GHR: variants seen among roughly 807,000 people sequenced by gnomAD.
GHR encodes growth hormone receptor.
GHR carries 35 observed loss-of-function variants against 67.1 expected under a neutral mutation model. That is an observed-to-expected ratio of 0.52 (90% CI 0.40 to 0.69). GHR has a LOEUF of 0.69. Ranked by LOEUF, GHR falls within the 30% of genes least tolerant of loss-of-function variation. The probability of loss-of-function intolerance (pLI) is 0.00; values close to 1 mark genes in which losing one functional copy is unlikely to be tolerated. For missense variants in GHR, 792 were observed against 764.6 expected, an observed-to-expected ratio of 1.04 and a Z score of -0.42; for synonymous variants, 272 against 269.1, an observed-to-expected ratio of 1.01 and a Z score of -0.10.
At position 42,424,413 on chromosome 5, in the gene GHR, G is replaced by A. The variant is rs1323395871; in HGVS notation, c.-12+458G>A. 29 of 610,308 alleles carry A rather than the reference G, an allele frequency of 4.8e-5. No individual in the cohort carries two copies. The East Asian group carries it at 7.7e-4, about 16-fold the overall frequency. 37.8% of individuals were successfully genotyped at this position (610,308 alleles called of 1,614,324 possible). On this transcript the variant is annotated intron_variant, in intron 1 of 9. Transcript: ENST00000230882. This position sits in a 1 kb window ranked among gnomAD's most constrained non-coding sequence, Gnocchi z 4.1. ...GGCTGCGGCAGGAACTGCCGAGGCT[G>A]CTGCTGTTGCGCGGGGAAGAATCCC...
intron 2 of GHR, among the ~76,000 whole-genome samples, chr5:42,587,087 C>T (rs1751517080): frequency 7.0e-6 from 1 of 143,588 alleles, no homozygotes; most frequent in Non-Finnish European, 1.5e-5. Flanking sequence ...CTTATCAAGA[C>T]ATTTGTAAGT....
At chr5:42,542,129 A>G (rs1050349398) in intron 1 of GHR, among the ~76,000 whole-genome samples, 7 of 152,166 alleles carry the variant, frequency 4.6e-5, no homozygotes, top group Non-Finnish European at 1.0e-4. Context: ...ATTTCTGGTG[A>G]TATTTCAATG....
intron 1 of GHR, among the ~76,000 whole-genome samples, chr5:42,563,706 G>A (rs943216735): frequency 1.7e-4 from 26 of 151,186 alleles, no homozygotes; most frequent in African/African-American, 6.3e-4. Flanking sequence ...TACTTGGAAG[G>A]CTCAAGCAGG....
At chr5:42,474,289 G>GAGAAAGAGAAAGAAAGAAAGAA (rs1745160211) in intron 1 of GHR, among the ~76,000 whole-genome samples, 1 of 24,006 alleles carries the variant, frequency 4.2e-5, no homozygotes, top group African/African-American at 1.3e-4. Context: ...GAAAGAAAAA[G>GAGAAAGAGAAAGAAAGAAAGAA]AGAAAGAGAA....
At chr5:42,491,716 A>C (rs1746120174) in intron 1 of GHR, among the ~76,000 whole-genome samples, 1 of 152,210 alleles carries the variant, frequency 6.6e-6, no homozygotes, top group African/African-American at 2.4e-5. Flanking sequence ...GCACAATCAG[A>C]GAATTCCCCA....
chr5:42,651,742 G>A (rs1755026641), intron 3 of GHR, among the ~76,000 whole-genome samples: 1 of 151,960 alleles, frequency 6.6e-6, no homozygotes, highest in Non-Finnish European at 1.5e-5. Context: ...TGAGACTTCT[G>A]CTATCATCTT....
At position 42,423,826 on chromosome 5, in the gene GHR, C is replaced by T. The variant is rs1242529553; in HGVS notation, c.-141C>T. On this transcript the variant is annotated 5_prime_UTR_variant, in exon 1 of 10. Transcript: ENST00000230882. ...GCAGCTGCTACAGTGGCGGTGGCGG[C>T]GGCGGCTGCTGCTGAGCCCGGGCGG... 2 of 164,342 alleles carry T rather than the reference C, an allele frequency of 1.2e-5. No individual in the cohort carries two copies. The highest frequency in any genetic ancestry group is 2.6e-5 in the Non-Finnish European group (2 of 78,070). 10.2% of individuals were successfully genotyped at this position (164,342 alleles called of 1,614,324 possible).
chr5:42,572,881 A>G (rs1750411023), intron 2 of GHR, among the ~76,000 whole-genome samples: 1 of 152,148 alleles, frequency 6.6e-6, no homozygotes, highest in African/African-American at 2.4e-5. Context: ...TGGGGGTAGG[A>G]GGCAGGTGAA....
At chr5:42,489,005 C>A (rs1217491340) in intron 1 of GHR, among the ~76,000 whole-genome samples, 16 of 152,326 alleles carry the variant, frequency 1.1e-4, no homozygotes, top group African/African-American at 3.8e-4. Flanking sequence ...CTATCCCACA[C>A]TTCTCAGTGG....
At chr5:42,574,659 G>A (rs1226766446) in intron 2 of GHR, among the ~76,000 whole-genome samples, 5 of 152,148 alleles carry the variant, frequency 3.3e-5, no homozygotes, top group African/African-American at 1.2e-4. Flanking sequence ...AAAAATATAT[G>A]TTCTTGGGTC....
In GHR at chr5:42,637,404, C is replaced by G. The variant is rs572909250; in HGVS notation, c.136+8301C>G. ...TTTGGTGTACAAATAATCCCCTTAC[C>G]CAGGTATTGAGCATATTACTTGATG... On this transcript the variant is annotated intron_variant, in intron 3 of 9. Coordinates refer to ENST00000230882, the MANE Select transcript of GHR (RefSeq NM_000163.5). 1.4e-3 allele frequency among the ~76,000 whole-genome samples: 215 copies of G among 152,112 alleles called. 6 individuals carry two copies. The South Asian group carries it at 0.027, about 19-fold the overall frequency.
intron 1 of GHR, among the ~76,000 whole-genome samples, chr5:42,521,133 G>T (rs1345825387): frequency 2.0e-5 from 3 of 152,172 alleles, no homozygotes; most frequent in Admixed American, 6.5e-5. Flanking sequence ...TGATCAGCTG[G>T]ATGCGTATAT....
chr5:42,563,893 A>G (rs1446415921), intron 1 of GHR, among the ~76,000 whole-genome samples: 1 of 152,124 alleles, frequency 6.6e-6, no homozygotes, highest in Non-Finnish European at 1.5e-5. Flanking sequence ...CAGCCTTTTA[A>G]TATATTTCTG....
intron 1 of GHR, among the ~76,000 whole-genome samples, chr5:42,453,593 C>T (rs1172087044): frequency 1.3e-5 from 2 of 152,216 alleles, no homozygotes; most frequent in African/African-American, 2.4e-5. Flanking sequence ...TTCAGCTATT[C>T]AGATCAGACA....
At chr5:42,637,556 T>A (rs751857558) in intron 3 of GHR, among the ~76,000 whole-genome samples, 1 of 152,164 alleles carries the variant, frequency 6.6e-6, no homozygotes, top group Non-Finnish European at 1.5e-5. Context: ...CATATGGTAT[T>A]TCGTTTTCTG....
chr5:42,578,839 G>A (rs1375175289), intron 2 of GHR, among the ~76,000 whole-genome samples: 1 of 151,938 alleles, frequency 6.6e-6, no homozygotes. Flanking sequence ...TCCAATGATA[G>A]CCAACAATCA....
chr5:42,454,299 C>T lies in GHR; in HGVS notation c.-12+30344C>T, dbSNP rs186725443. Among the ~76,000 whole-genome samples the T allele has an allele frequency of 7.9e-5, 12 of 152,302 alleles. No homozygotes were observed. The East Asian group carries it at 2.1e-3, about 27-fold the overall frequency. Reference sequence around the variant, plus strand: ...AGTTATGCTAGTATTGAAGTTGCCACGTGGACAGACTAAGGACCTCTGGTT... The same window carrying T: ...AGTTATGCTAGTATTGAAGTTGCCATGTGGACAGACTAAGGACCTCTGGTT... On this transcript the variant is annotated intron_variant, in intron 1 of 9. Transcript: ENST00000230882.
chr5:42,459,580 G>A (rs1744401636), intron 1 of GHR, among the ~76,000 whole-genome samples: 1 of 152,088 alleles, frequency 6.6e-6, no homozygotes, highest in Non-Finnish European at 1.5e-5. Flanking sequence ...TATTACCTGA[G>A]TGGCAAAATA....
At chr5:42,466,312 A>G (rs1161954995) in intron 1 of GHR, among the ~76,000 whole-genome samples, 1 of 152,108 alleles carries the variant, frequency 6.6e-6, no homozygotes, top group Non-Finnish European at 1.5e-5. Flanking sequence ...GAAAAAGGCC[A>G]TTTCCTGTTT....
Sources: gnomAD v4.1 joint callset for allele counts (sites outside exome capture counted in the v4.1 genomes callset) on GRCh38, gnomAD v4.1.1 for gene constraint, Gnocchi (gnomAD v3.1) non-coding constraint, MANE v1.5 for transcripts, NCBI Gene and HGNC (gene_info 2026-07-23, HGNC 2026-07-21) for gene names.